FRMD5: variants seen among roughly 807,000 people sequenced by gnomAD.
FRMD5 encodes the protein FERM domain containing 5.
Under a neutral mutation model 69.0 loss-of-function variants are expected in FRMD5, and 20 were observed. That is an observed-to-expected ratio of 0.29 (90% CI 0.20 to 0.42). The LOEUF is 0.42. Among genes scored for constraint, FRMD5 ranks in the 10% least tolerant of loss-of-function variants. The pLI is 1.00. For missense variants in FRMD5, 595 were observed against 708.6 expected, an observed-to-expected ratio of 0.84 and a Z score of 1.82; for synonymous variants, 271 against 260.1, an observed-to-expected ratio of 1.04 and a Z score of -0.40.
intron 1 of FRMD5, among the ~76,000 whole-genome samples, chr15:44,105,111 G>T (rs1483213050): frequency 6.7e-6 from 1 of 149,224 alleles, no homozygotes; most frequent in African/African-American, 2.5e-5. Context: ...TTGAGACAGG[G>T]TCTCACCCAG....
intron 1 of FRMD5, among the ~76,000 whole-genome samples, chr15:43,974,451 G>T (rs1324566069): frequency 6.6e-6 from 1 of 152,146 alleles, no homozygotes; most frequent in African/African-American, 2.4e-5. Flanking sequence ...GTTTCTATAG[G>T]TTAAGGCTGC....
intron 13 of FRMD5, among the ~76,000 whole-genome samples, chr15:43,875,359 AAAAAATAT>A (rs1007191262): frequency 1.1e-4 from 11 of 104,408 alleles, no homozygotes; most frequent in South Asian, 4.1e-4. Context: ...AAAAAAAAAA[AAAAAATAT>A]ATATATATAT....
intron 1 of FRMD5, among the ~76,000 whole-genome samples, chr15:44,116,684 G>C (rs1023165647): frequency 1.3e-5 from 2 of 152,092 alleles, no homozygotes; most frequent in Non-Finnish European, 2.9e-5. Flanking sequence ...CCCCAGTGTT[G>C]GTTACCAATC....
intron 1 of FRMD5, among the ~76,000 whole-genome samples, chr15:44,175,012 G>A (rs1566985858): frequency 1.3e-5 from 2 of 152,148 alleles, no homozygotes; most frequent in African/African-American, 2.4e-5. Context: ...CATGGCACAT[G>A]TAAACCTATG....
intron 1 of FRMD5, among the ~76,000 whole-genome samples, chr15:43,976,422 A>T (rs1349318071): frequency 6.6e-6 from 1 of 152,160 alleles, no homozygotes; most frequent in Non-Finnish European, 1.5e-5. Context: ...AATAAAAAGA[A>T]CCCTCAACAT....
intron 1 of FRMD5, among the ~76,000 whole-genome samples, chr15:44,007,192 G>T (rs924602738): frequency 1.3e-5 from 2 of 151,850 alleles, no homozygotes; most frequent in Non-Finnish European, 2.9e-5. Flanking sequence ...TAGCAACAAA[G>T]CATTTTTAAA....
chr15:44,112,024 T>C (rs2076803948), intron 1 of FRMD5, among the ~76,000 whole-genome samples: 1 of 151,936 alleles, frequency 6.6e-6, no homozygotes, highest in Non-Finnish European at 1.5e-5. Flanking sequence ...TTTGTATTTT[T>C]AGTAGAGACG....
Position 43,959,600 on chromosome 15 carries a change from T to C in FRMD5, c.103-35291A>G, listed in dbSNP as rs186618133. ...TGACTCTAGCTGGGACACCAACTACTTTACATCCCTAGACCAGATGATTAC... is the reference window on the plus strand; with the variant it reads ...TGACTCTAGCTGGGACACCAACTACCTTACATCCCTAGACCAGATGATTAC... On this transcript the variant is annotated intron_variant, in intron 1 of 13. Transcript: ENST00000417257. Among the ~76,000 whole-genome samples the C allele has an allele frequency of 1.0e-3, 156 of 152,302 alleles. 1 individual carries two copies. The highest frequency in any genetic ancestry group is 2.9e-3 in the African/African-American group (120 of 41,568).
intron 8 of FRMD5, among the ~76,000 whole-genome samples, chr15:43,890,529 C>G (rs2088769735): frequency 1.3e-5 from 2 of 152,174 alleles, no homozygotes; most frequent in African/African-American, 4.8e-5. Context: ...TAAAGAATAT[C>G]AAATAGCCCA....
chr15:44,025,579 T>C (rs147769377), intron 1 of FRMD5, among the ~76,000 whole-genome samples: 2,903 of 152,322 alleles, frequency 0.019, 90 homozygotes, highest in African/African-American at 0.066. Flanking sequence ...GGGTACTCTA[T>C]GCATTAAATG....
chr15:44,042,469 C>A (rs1211635171), intron 1 of FRMD5, among the ~76,000 whole-genome samples: 1 of 152,150 alleles, frequency 6.6e-6, no homozygotes, highest in African/African-American at 2.4e-5. Context: ...GGCAGAGACA[C>A]AACCAAAAAA....
At chr15:44,005,363 C>A (rs1358938193) in intron 1 of FRMD5, among the ~76,000 whole-genome samples, 1 of 149,912 alleles carries the variant, frequency 6.7e-6, no homozygotes, top group Non-Finnish European at 1.5e-5. Flanking sequence ...CCCAGCTACT[C>A]GGGATGCTGA....
intron 1 of FRMD5, among the ~76,000 whole-genome samples, chr15:44,136,579 T>G (rs563941110): frequency 1.3e-5 from 2 of 152,232 alleles, no homozygotes; most frequent in South Asian, 2.1e-4. Flanking sequence ...TAATTCATCA[T>G]AGTCAAGGAA....
intron 1 of FRMD5, among the ~76,000 whole-genome samples, chr15:44,093,389 A>G (rs2076503250): frequency 6.6e-6 from 1 of 151,550 alleles, no homozygotes; most frequent in South Asian, 2.1e-4. Flanking sequence ...GGGAAAGGGA[A>G]GGGCATGAAG....
At chr15:43,989,623 G>C in intron 1 of FRMD5, 1 of 860,786 alleles carries the variant, frequency 1.2e-6, no homozygotes, top group Non-Finnish European at 2.0e-6. Flanking sequence ...TCATGAGGTA[G>C]TCAGTCAGGT....
chr15:43,989,072 T>C (rs912971333), intron 1 of FRMD5: 1 of 904,076 alleles, frequency 1.1e-6, no homozygotes, highest in African/African-American at 1.6e-5. Flanking sequence ...TAGAAGCATC[T>C]GCGGTGGATG....
intron 1 of FRMD5, among the ~76,000 whole-genome samples, chr15:44,098,121 A>AAAAAAAACG (rs1376919993): frequency 3.8e-4 from 1 of 2,612 alleles, no homozygotes. Context: ...AAAACAAAAA[A>AAAAAAAACG]AAAAAAACTA....
intron 6 of FRMD5, among the ~76,000 whole-genome samples, chr15:43,903,547 A>G (rs1386295957): frequency 6.6e-6 from 1 of 152,224 alleles, no homozygotes; most frequent in Non-Finnish European, 1.5e-5. Context: ...ACGAGGCAGG[A>G]CCTATGGAAA....
intron 1 of FRMD5, chr15:43,989,844 C>T: frequency 9.7e-7 from 1 of 1,032,192 alleles, no homozygotes; most frequent in Non-Finnish European, 1.5e-6. Flanking sequence ...TGTGGTTGGC[C>T]TTGGGGCTCA....
Sources: gnomAD v4.1 joint callset for allele counts (sites outside exome capture counted in the v4.1 genomes callset) on GRCh38, gnomAD v4.1.1 for gene constraint, MANE v1.5 for transcripts, NCBI Gene and HGNC (gene_info 2026-07-23, HGNC 2026-07-21) for gene names.